The following ANKRD31 variants were observed in gnomAD, a reference collection of about 807,000 sequenced individuals.
The protein encoded by ANKRD31 is ankyrin repeat domain 31.
A neutral mutation model predicts 186.0 loss-of-function variants in ANKRD31; 147 were observed. That is an observed-to-expected ratio of 0.79 (90% CI 0.69 to 0.91). The LOEUF is 0.91. Among genes scored for constraint, ANKRD31 ranks in the 40% least tolerant of loss-of-function variants. The pLI is 0.00. For synonymous variants in ANKRD31, 673 were observed against 736.4 expected (o/e 0.91, Z 1.39); for missense variants, 1,986 against 2,148.8 (o/e 0.92, Z 1.50).
intron 3 of ANKRD31, among the ~76,000 whole-genome samples, chr5:75,221,929 A>C (rs1339800172): frequency 6.6e-6 from 1 of 152,206 alleles, no homozygotes; most frequent in African/African-American, 2.4e-5. Context: ...GCTTCCAGTC[A>C]ACAGTAGGCT....
At chr5:75,072,472 G>A (rs915360191) in intron 25 of ANKRD31, among the ~76,000 whole-genome samples, 5 of 152,162 alleles carry the variant, frequency 3.3e-5, no homozygotes, top group Admixed American at 1.3e-4. Context: ...CAGTACAAAG[G>A]AAGATGGAGT....
intron 25 of ANKRD31, among the ~76,000 whole-genome samples, chr5:75,070,805 G>T (rs925112261): frequency 2.6e-5 from 4 of 152,132 alleles, no homozygotes; most frequent in Non-Finnish European, 5.9e-5. Flanking sequence ...TAAAAATTTT[G>T]TCTGGGGCTG....
intron 10 of ANKRD31, among the ~76,000 whole-genome samples, chr5:75,187,110 TTGTGTG>T (rs57013241): frequency 0.044 from 5,113 of 116,170 alleles, 115 homozygotes; most frequent in Non-Finnish European, 0.065. Context: ...TGATTCTGTT[TTGTGTG>T]TGTGTGTGTG....
Position 75,229,403 on chromosome 5 carries a change from C to T in ANKRD31, c.178+1159G>A, listed in dbSNP as rs377638018. The stretch of plus-strand genomic sequence containing the variant: ...AGGCTATATGGGTGGCACTTCAATA[C>T]CTCCGTTGCCCTTTCTAGGAATCTT... On this transcript the variant is annotated intron_variant, in intron 2 of 25. Transcript: ENST00000506364. Among the ~76,000 whole-genome samples, 28 of 152,226 alleles carry T rather than the reference C, an allele frequency of 1.8e-4. 1 individual carries two copies. The highest frequency in any genetic ancestry group is 7.8e-4 in the Admixed American group (12 of 15,302).
rs187016195 is a variant in ANKRD31, at chr5:75,132,940, T to A, written c.3876+4916A>T. The stretch of plus-strand genomic sequence containing the variant: ...CTTCCTAAGTAAAGGAGAAATAAAA[T>A]CCTTCACAGACAAGCAAATGCTGAG... On this transcript the variant is annotated intron_variant, in intron 17 of 25. Transcript: ENST00000506364. Among the ~76,000 whole-genome samples, 393 of 152,156 alleles carry A rather than the reference T, an allele frequency of 2.6e-3. 2 individuals carry two copies. The highest frequency in any genetic ancestry group is 8.4e-3 in the African/African-American group (350 of 41,498).
intron 10 of ANKRD31, among the ~76,000 whole-genome samples, chr5:75,173,177 A>C (rs1753485710): frequency 6.6e-6 from 1 of 152,194 alleles, no homozygotes; most frequent in South Asian, 2.1e-4. Context: ...GCCTTCAAAA[A>C]AATTCAACAG....
At position 75,079,029 on chromosome 5, in the gene ANKRD31, TTCAAG is replaced by T. The variant is rs1321814161; in HGVS notation, c.5647+1534_5647+1538del. ...TTTTTAAAGGTTTGTGTTTTTATGT[TTCAAG>T]TCTTTAATTAGAAAGAACACATACC... On this transcript the variant is annotated intron_variant, in intron 25 of 25. Transcript: ENST00000506364. 2.6e-5 allele frequency among the ~76,000 whole-genome samples: 4 copies of T among 152,238 alleles called. No individual in the cohort carries two copies. In the East Asian group the frequency reaches 7.7e-4, roughly 29 times the overall value.
chr5:75,117,382 G>A (rs920250163), intron 18 of ANKRD31, among the ~76,000 whole-genome samples: 10 of 152,252 alleles, frequency 6.6e-5, no homozygotes, highest in Middle Eastern at 6.8e-3. Context: ...AGCAGGCAAC[G>A]AAAAGAGGAA....
chr5:75,122,487 A>G (rs866299280), intron 17 of ANKRD31, among the ~76,000 whole-genome samples: 12 of 152,210 alleles, frequency 7.9e-5, no homozygotes, highest in Middle Eastern at 3.4e-3. Context: ...CAGAAAAAAA[A>G]CTACAGACCA....
chr5:75,177,771 A>G (rs958820827), intron 10 of ANKRD31, among the ~76,000 whole-genome samples: 4 of 152,160 alleles, frequency 2.6e-5, no homozygotes, highest in Non-Finnish European at 5.9e-5. Context: ...ACCAGCCACT[A>G]CAAAAACATG....
chr5:75,098,217 T>A (rs1378997385), intron 22 of ANKRD31, among the ~76,000 whole-genome samples: 1 of 151,988 alleles, frequency 6.6e-6, no homozygotes, highest in African/African-American at 2.4e-5. Flanking sequence ...ATGGTCTCGA[T>A]CTCTTGACCT....
At chr5:75,117,620 G>A (rs1200674022) in intron 18 of ANKRD31, among the ~76,000 whole-genome samples, 1 of 151,894 alleles carries the variant, frequency 6.6e-6, no homozygotes, top group Non-Finnish European at 1.5e-5. Flanking sequence ...CTTCTTCTAT[G>A]AGTCAAGGTT....
chr5:75,138,473 G>A (rs1282889025), intron 16 of ANKRD31, among the ~76,000 whole-genome samples: 1 of 152,034 alleles, frequency 6.6e-6, no homozygotes, highest in African/African-American at 2.4e-5. Flanking sequence ...AAAATAAAGA[G>A]AGAAAAAGGA....
At position 75,110,421 on chromosome 5, in the gene ANKRD31, G is replaced by A. The variant is rs368585645; in HGVS notation, c.4243+2092C>T. Among the ~76,000 whole-genome samples the A allele has an allele frequency of 1.9e-4, 29 of 152,000 alleles. No individual in the cohort carries two copies. The East Asian group carries it at 4.5e-3, about 23-fold the overall frequency. ...AATAGGGAATAAAACTAGTGAAAAA[G>A]CACCACTGGGCCAGGCGCAGTGGCT... On this transcript the variant is annotated intron_variant, in intron 20 of 25. Coordinates refer to ENST00000506364, the MANE Select transcript of ANKRD31 (RefSeq NM_001372053.1).
chr5:75,079,360 TACTGATTA>T (rs1271618686), intron 25 of ANKRD31, among the ~76,000 whole-genome samples: 1 of 152,186 alleles, frequency 6.6e-6, no homozygotes, highest in East Asian at 1.9e-4. Context: ...GTTTAGGAAA[TACTGATTA>T]ACAAATTTAA....
chr5:75,220,502 C>T (rs1757223525), intron 3 of ANKRD31, among the ~76,000 whole-genome samples: 1 of 151,836 alleles, frequency 6.6e-6, no homozygotes, highest in South Asian at 2.1e-4. Flanking sequence ...ATTAGCCGAG[C>T]ATGATGGTGC....
intron 10 of ANKRD31, among the ~76,000 whole-genome samples, chr5:75,181,083 T>C (rs538979227): frequency 6.0e-5 from 9 of 149,366 alleles, no homozygotes; most frequent in African/African-American, 1.7e-4. Flanking sequence ...AGGATATGAA[T>C]AGACACTTCT....
At chr5:75,144,388 T>C (rs549432178) in intron 14 of ANKRD31, among the ~76,000 whole-genome samples, 16 of 152,224 alleles carry the variant, frequency 1.1e-4, no homozygotes, top group Non-Finnish European at 2.2e-4. Flanking sequence ...GACCTAACAA[T>C]TTCCTGCTAT....
chr5:75,203,012 T>C (rs1755914383), intron 5 of ANKRD31, among the ~76,000 whole-genome samples: 1 of 152,172 alleles, frequency 6.6e-6, no homozygotes, highest in Non-Finnish European at 1.5e-5. Flanking sequence ...AGTGGCACAA[T>C]CATAGCCAAT....
Sources: allele counts gnomAD v4.1 joint callset (sites outside exome capture counted in the v4.1 genomes callset), GRCh38; gene constraint gnomAD v4.1.1; transcripts MANE v1.5; gene names NCBI Gene and HGNC (gene_info 2026-07-23, HGNC 2026-07-21).